EMSY: variants seen among roughly 807,000 people sequenced by gnomAD.
EMSY encodes the protein BRCA2-interacting transcriptional repressor EMSY.
A neutral mutation model predicts 134.6 loss-of-function variants in EMSY; 26 were observed. The ratio of observed to expected loss-of-function variants is 0.19; its 90% CI spans 0.14 to 0.27. The LOEUF is 0.27. Among genes scored for constraint, EMSY ranks in the 10% least tolerant of loss-of-function variants. The probability of loss-of-function intolerance (pLI) is 1.00; values close to 1 mark genes in which losing one functional copy is unlikely to be tolerated. For synonymous variants in EMSY, 579 were observed against 577.8 expected (o/e 1.00, Z -0.03); for missense variants, 1,305 against 1,611.4 (o/e 0.81, Z 3.26).
At chr11:76,504,654 A>G (rs1054744506) in intron 9 of EMSY, among the ~76,000 whole-genome samples, 4 of 152,216 alleles carry the variant, frequency 2.6e-5, no homozygotes, top group Non-Finnish European at 1.5e-5. Flanking sequence ...AAGAATTAAC[A>G]TATGATCCTG....
chr11:76,489,918 T>G lies in EMSY; in HGVS notation c.1109-6297T>G, dbSNP rs1024127520. ...CCGTGCCCGGCCTACTTGATGTATC[T>G]TTTTTTCATTATTGTATTCTTAACC... On this transcript the variant is annotated intron_variant, in intron 8 of 20. Coordinates refer to ENST00000334736, the Ensembl canonical transcript of EMSY. 2.0e-4 allele frequency among the ~76,000 whole-genome samples: 31 copies of G among 152,150 alleles called. 1 individual carries two copies. The highest frequency in any genetic ancestry group is 4.4e-5 in the Non-Finnish European group (3 of 68,022).
At chr11:76,545,549 A>G (rs1951613524) in intron 19 of EMSY, among the ~76,000 whole-genome samples, 1 of 152,164 alleles carries the variant, frequency 6.6e-6, no homozygotes, top group African/African-American at 2.4e-5. Flanking sequence ...TGCTGAGACT[A>G]CTTTTTTCTT....
At chr11:76,509,293 G>A (rs1950189551) in intron 9 of EMSY, among the ~76,000 whole-genome samples, 1 of 151,832 alleles carries the variant, frequency 6.6e-6, no homozygotes, top group Non-Finnish European at 1.5e-5. Flanking sequence ...AGGAGTTCGA[G>A]ACCAGCCTGG....
intron 10 of EMSY, among the ~76,000 whole-genome samples, chr11:76,513,836 G>A (rs1364985953): frequency 6.6e-6 from 1 of 152,216 alleles, no homozygotes; most frequent in South Asian, 2.1e-4. Flanking sequence ...GTGAGCGTAA[G>A]GGACCATATC....
intron 6 of EMSY, among the ~76,000 whole-genome samples, chr11:76,463,595 A>G (rs1325600904): frequency 2.1e-5 from 3 of 145,288 alleles, no homozygotes; most frequent in African/African-American, 7.8e-5. Flanking sequence ...TGCAGTCCGC[A>G]GTCCGGCCTG....
chr11:76,470,899 T>C (rs1948544169), intron 7 of EMSY, among the ~76,000 whole-genome samples: 1 of 152,136 alleles, frequency 6.6e-6, no homozygotes, highest in Non-Finnish European at 1.5e-5. Context: ...GTTCCTTTCC[T>C]TCATACTATT....
chr11:76,451,792 A>G, intron 2 of EMSY, 66 bp from the exon 3 acceptor site: 1 of 940,894 alleles, frequency 1.1e-6, no homozygotes, highest in Non-Finnish European at 1.5e-6. Context: ...CTGAAGTTTC[A>G]CTATACATAG....
intron 7 of EMSY, among the ~76,000 whole-genome samples, chr11:76,466,851 A>G (rs574391462): frequency 3.0e-4 from 46 of 152,298 alleles, no homozygotes; most frequent in African/African-American, 1.1e-3. Flanking sequence ...CTGTTCACTC[A>G]TTTATGAGAT....
intron 9 of EMSY, among the ~76,000 whole-genome samples, chr11:76,506,951 C>A (rs1950102733): frequency 1.3e-5 from 2 of 152,150 alleles, no homozygotes; most frequent in Admixed American, 6.5e-5. Flanking sequence ...ACAGGGGATT[C>A]ATTACATAAA....
At chr11:76,508,654 A>G (rs527299639) in intron 9 of EMSY, among the ~76,000 whole-genome samples, 10 of 152,156 alleles carry the variant, frequency 6.6e-5, no homozygotes, top group Non-Finnish European at 1.5e-4. Flanking sequence ...ATAAAAGTCT[A>G]TTTTGTCTAC....
chr11:76,550,209 G>A, exon 21 of EMSY: 1 of 1,335,450 alleles, frequency 7.5e-7, no homozygotes, highest in East Asian at 2.7e-5. Flanking sequence ...GGAAACCCTT[G>A]TATTTTGATG....
chr11:76,469,232 C>G (rs1257619130), intron 7 of EMSY, among the ~76,000 whole-genome samples: 1 of 152,158 alleles, frequency 6.6e-6, no homozygotes, highest in Non-Finnish European at 1.5e-5. Context: ...CTTCCCTTGC[C>G]CTTGCCCATG....
chr11:76,485,915 G>A (rs1261571459), intron 8 of EMSY, among the ~76,000 whole-genome samples: 2 of 152,126 alleles, frequency 1.3e-5, no homozygotes, highest in East Asian at 3.9e-4. Context: ...ATACCCAAAG[G>A]ATTATACATC....
chr11:76,493,472 T>G (rs115263461), intron 8 of EMSY, among the ~76,000 whole-genome samples: 5,471 of 152,116 alleles, frequency 0.036, 111 homozygotes, highest in Middle Eastern at 0.051. Context: ...CAGTTCCAGG[T>G]GGAGTCGAGA....
chr11:76,507,567 C>T (rs781704939), intron 9 of EMSY, among the ~76,000 whole-genome samples: 5 of 152,194 alleles, frequency 3.3e-5, no homozygotes, highest in Non-Finnish European at 7.3e-5. Flanking sequence ...AAACCACATT[C>T]GTTGTTCATC....
At chr11:76,484,213 C>T (rs1949091614) in intron 8 of EMSY, among the ~76,000 whole-genome samples, 1 of 152,164 alleles carries the variant, frequency 6.6e-6, no homozygotes, top group Non-Finnish European at 1.5e-5. Flanking sequence ...AGAACAAAGA[C>T]ACAATGTACC....
At chr11:76,463,990 C>T (rs1323017581) in exon 7 of EMSY, 1 of 1,614,204 alleles carries the variant, frequency 6.2e-7, no homozygotes, top group Non-Finnish European at 8.5e-7. Flanking sequence ...TCATGCAGAG[C>T]ATTGCCAACT....
intron 14 of EMSY, among the ~76,000 whole-genome samples, chr11:76,530,417 T>C (rs1950997549): frequency 6.6e-6 from 1 of 152,144 alleles, no homozygotes; most frequent in Non-Finnish European, 1.5e-5. Context: ...CGCCTCGGCC[T>C]CCCAAAGTGC....
At position 76,528,355 on chromosome 11, in the gene EMSY, G is replaced by A. The variant is rs781751681; in HGVS notation, c.2083G>A (p.Ala695Thr). The A allele has an allele frequency of 1.4e-5, 23 of 1,613,174 alleles. No individual in the cohort carries two copies. In the South Asian group the frequency reaches 2.3e-4, roughly 16 times the overall value. ...GCTAGTAACAGAAACATTACAGCAA[G>A]CATCCAGGGTAGCAGAGGCTGGTAA... The change falls in exon 14 of 21, where the codon GCA (alanine) becomes ACA (threonine). Residue 695 changes from alanine (A) to threonine (T), a missense_variant. Ala to Thr is a moderately conservative substitution (Grantham distance 58). Coordinates refer to ENST00000334736, the Ensembl canonical transcript of EMSY.
Sources: gnomAD v4.1 joint callset for allele counts (sites outside exome capture counted in the v4.1 genomes callset) on GRCh38, gnomAD v4.1.1 for gene constraint, MANE v1.5 for transcripts, NCBI Gene and HGNC (gene_info 2026-07-23, HGNC 2026-07-21) for gene names.